PTPRO: variants seen among roughly 807,000 people sequenced by gnomAD.
The protein encoded by PTPRO is receptor-type tyrosine-protein phosphatase O.
A neutral mutation model predicts 145.2 loss-of-function variants in PTPRO; 62 were observed. The ratio of observed to expected loss-of-function variants is 0.43; its 90% CI spans 0.35 to 0.53. The LOEUF (loss-of-function observed/expected upper bound fraction) is 0.53. PTPRO is among the 20% of genes least tolerant of loss of function. The pLI is 0.01. For missense variants in PTPRO, 1,345 were observed against 1,482.7 expected, an observed-to-expected ratio of 0.91 and a Z score of 1.53; for synonymous variants, 565 against 514.7, an observed-to-expected ratio of 1.10 and a Z score of -1.32.
chr12:15,404,808 T>C (rs1339679784), intron 1 of PTPRO, among the ~76,000 whole-genome samples: 7 of 152,174 alleles, frequency 4.6e-5, no homozygotes, highest in East Asian at 1.9e-4. Context: ...TGGCAACAGA[T>C]AGTTGTCTTA....
intron 1 of PTPRO, among the ~76,000 whole-genome samples, chr12:15,464,363 T>G (rs1202152503): frequency 2.7e-4 from 39 of 146,060 alleles, no homozygotes; most frequent in Non-Finnish European, 4.3e-4. Flanking sequence ...TTGTTTTGGG[T>G]TTTTTTTTGG....
intron 1 of PTPRO, among the ~76,000 whole-genome samples, chr12:15,373,476 A>G (rs1050091820): frequency 5.9e-5 from 9 of 152,314 alleles, no homozygotes; most frequent in Middle Eastern, 3.4e-3. Flanking sequence ...ATATGAATCT[A>G]TTATTAATTT....
chr12:15,338,854 C>T (rs1866864355), intron 1 of PTPRO, among the ~76,000 whole-genome samples: 1 of 152,068 alleles, frequency 6.6e-6, no homozygotes, highest in Non-Finnish European at 1.5e-5. Flanking sequence ...AATACATGTT[C>T]AGATATTTCC....
At chr12:15,378,700 C>CA in intron 1 of PTPRO, among the ~76,000 whole-genome samples, 1 of 152,134 alleles carries the variant, frequency 6.6e-6, no homozygotes, top group East Asian at 1.9e-4. Context: ...TAAATCATTC[C>CA]ATGAAGCCAG....
At chr12:15,467,456 C>T (rs1941442562) in intron 1 of PTPRO, among the ~76,000 whole-genome samples, 2 of 150,894 alleles carry the variant, frequency 1.3e-5, no homozygotes, top group South Asian at 4.2e-4. Flanking sequence ...AAAATCAACA[C>T]TGTAACCAGC....
In PTPRO at chr12:15,520,318, G is replaced by GCATGTGTGGGGAACAGTTCCACAA; in HGVS notation, c.1891+7_1891+30dup. The GCATGTGTGGGGAACAGTTCCACAA allele has an allele frequency of 6.3e-7, 1 of 1,592,292 alleles. No individual in the cohort carries two copies. The highest frequency in any genetic ancestry group is 8.6e-7 in the Non-Finnish European group (1 of 1,160,492). ...TACCATCAGCTTCATAACAGGTGAG[G>GCATGTGTGGGGAACAGTTCCACAA]CATGTGTGGGGAACAGTTCCACAAG... On this transcript the variant is annotated splice_region_variant and intron_variant, in intron 10 of 26. Coordinates refer to ENST00000281171, the MANE Select transcript of PTPRO (RefSeq NM_030667.3).
At chr12:15,411,748 C>T (rs1462978408) in intron 1 of PTPRO, among the ~76,000 whole-genome samples, 1 of 152,202 alleles carries the variant, frequency 6.6e-6, no homozygotes, top group African/African-American at 2.4e-5. Context: ...GAAATACAAC[C>T]TACTTAGAAA....
chr12:15,402,412 T>C (rs962781073), intron 1 of PTPRO, among the ~76,000 whole-genome samples: 2 of 151,298 alleles, frequency 1.3e-5, no homozygotes, highest in Admixed American at 1.3e-4. Context: ...GAAAACCCAA[T>C]AGGAATTCCT....
chr12:15,430,510 T>C (rs1940406244), intron 1 of PTPRO, among the ~76,000 whole-genome samples: 1 of 152,102 alleles, frequency 6.6e-6, no homozygotes, highest in Non-Finnish European at 1.5e-5. Flanking sequence ...GTGACAAGTA[T>C]CTCTTAAAGA....
At chr12:15,385,811 CAAAAAAAAAAA>C (rs761750012) in intron 1 of PTPRO, among the ~76,000 whole-genome samples, 2 of 37,120 alleles carry the variant, frequency 5.4e-5, no homozygotes, top group South Asian at 9.7e-4. Context: ...GACTCCATCT[CAAAAAAAAAAA>C]AAAAAAAAAA....
chr12:15,360,490 A>G (rs944675004), intron 1 of PTPRO, among the ~76,000 whole-genome samples: 1 of 152,148 alleles, frequency 6.6e-6, no homozygotes, highest in African/African-American at 2.4e-5. Context: ...CCTGTCCCCA[A>G]GTGCCATGCA....
intron 1 of PTPRO, among the ~76,000 whole-genome samples, chr12:15,442,336 G>A (rs979866163): frequency 1.3e-5 from 2 of 152,018 alleles, no homozygotes; most frequent in African/African-American, 2.4e-5. Flanking sequence ...GGCATCAAAG[G>A]AACATACTTC....
At chr12:15,385,831 A>AG (rs1485494537) in intron 1 of PTPRO, among the ~76,000 whole-genome samples, 252 of 150,488 alleles carry the variant, frequency 1.7e-3, no homozygotes, top group African/African-American at 6.0e-3. Flanking sequence ...AAAAAAAAAA[A>AG]AAGAAGAAGA....
intron 1 of PTPRO, among the ~76,000 whole-genome samples, chr12:15,448,358 A>AAAAAAAAAAAAAAAAAAAC: frequency 6.7e-6 from 1 of 149,790 alleles, no homozygotes; most frequent in Non-Finnish European, 1.5e-5. Context: ...AAAAAAAAAA[A>AAAAAAAAAAAAAAAAAAAC]AAGCACCGAT....
At chr12:15,478,538 T>C (rs1941708069) in intron 1 of PTPRO, among the ~76,000 whole-genome samples, 2 of 152,158 alleles carry the variant, frequency 1.3e-5, no homozygotes, top group Admixed American at 1.3e-4. Context: ...CCTTTGCGCA[T>C]GTGTGTTTAA....
rs140116950 is a variant in PTPRO, at chr12:15,421,479, G to T, written c.76-62495G>T. Among the ~76,000 whole-genome samples the T allele has an allele frequency of 5.8e-3, 879 of 152,240 alleles. 9 individuals carry two copies. The highest frequency in any genetic ancestry group is 0.02 in the African/African-American group (822 of 41,534). The stretch of plus-strand genomic sequence containing the variant: ...TAAACAAATGTTGACCTTAGAATAG[G>T]CATAGTACAACTAGTGCCTGAATAA... On this transcript the variant is annotated intron_variant, in intron 1 of 26. Transcript: ENST00000281171.
At chr12:15,484,439 A>G (rs1941844711) in intron 2 of PTPRO, among the ~76,000 whole-genome samples, 192 bp downstream of exon 2, 1 of 152,132 alleles carries the variant, frequency 6.6e-6, no homozygotes. Context: ...CCTTGTGATA[A>G]CAAAAATATT....
At chr12:15,350,821 T>A (rs1408774441) in intron 1 of PTPRO, among the ~76,000 whole-genome samples, 1 of 152,188 alleles carries the variant, frequency 6.6e-6, no homozygotes. Flanking sequence ...CAACTCCCAT[T>A]GATATCAGTG....
intron 1 of PTPRO, among the ~76,000 whole-genome samples, chr12:15,399,976 AG>A (rs1465428681): frequency 7.1e-6 from 1 of 141,214 alleles, no homozygotes; most frequent in African/African-American, 2.6e-5. Flanking sequence ...GCTTGAACCC[AG>A]GAGGTGGAGG....
Sources: allele counts gnomAD v4.1 joint callset (sites outside exome capture counted in the v4.1 genomes callset), GRCh38; gene constraint gnomAD v4.1.1; transcripts MANE v1.5; gene names NCBI Gene and HGNC (gene_info 2026-07-23, HGNC 2026-07-21).